Variants in VAV3 observed in about 807,000 individuals in gnomAD.
The protein encoded by VAV3 is vav guanine nucleotide exchange factor 3, also known as guanine nucleotide exchange factor VAV3.
A neutral mutation model predicts 131.2 loss-of-function variants in VAV3; 94 were observed. The ratio of observed to expected loss-of-function variants is 0.72; its 90% CI spans 0.61 to 0.85. The LOEUF (loss-of-function observed/expected upper bound fraction) is 0.85. VAV3 is among the 40% of genes least tolerant of loss of function. The probability of loss-of-function intolerance (pLI) is 0.00; values close to 1 mark genes in which losing one functional copy is unlikely to be tolerated. For synonymous variants in VAV3, 349 were observed against 342.0 expected, an observed-to-expected ratio of 1.02 and a Z score of -0.22; for missense variants, 939 against 1,002.7, an observed-to-expected ratio of 0.94 and a Z score of 0.86.
At chr1:107,964,597 A>G in intron 1 of VAV3, 69 bp downstream of exon 1, 1 of 1,533,766 alleles carries the variant, frequency 6.5e-7, no homozygotes, top group Non-Finnish European at 8.9e-7. Context: ...GCATTTACAC[A>G]AAGAAATTAG....
chr1:107,943,304 A>G (rs1433938809), intron 1 of VAV3, among the ~76,000 whole-genome samples: 1 of 152,198 alleles, frequency 6.6e-6, no homozygotes, highest in African/African-American at 2.4e-5. Context: ...GAGGTTGGTC[A>G]TATCACAGGT....
intron 25 of VAV3, among the ~76,000 whole-genome samples, 193 bp downstream of exon 25, chr1:107,596,019 A>G (rs2101070244): frequency 6.6e-6 from 1 of 152,306 alleles, no homozygotes; most frequent in African/African-American, 2.4e-5. Context: ...AATTTGCCAT[A>G]AAGATCTATA....
At chr1:107,732,842 A>C (rs1662340652) in intron 15 of VAV3, among the ~76,000 whole-genome samples, 1 of 152,222 alleles carries the variant, frequency 6.6e-6, no homozygotes, top group Non-Finnish European at 1.5e-5. Context: ...CCTGTCTGGC[A>C]GCTCTGAAGA....
intron 1 of VAV3, among the ~76,000 whole-genome samples, chr1:107,946,752 T>C (rs547356495): frequency 4.6e-5 from 7 of 152,240 alleles, no homozygotes; most frequent in Non-Finnish European, 8.8e-5. Context: ...CTATGTGACC[T>C]TGAAGAAATT....
intron 20 of VAV3, among the ~76,000 whole-genome samples, chr1:107,622,756 C>T (rs1653703130): frequency 6.6e-6 from 1 of 152,206 alleles, no homozygotes; most frequent in South Asian, 2.1e-4. Flanking sequence ...GAGCGACTGT[C>T]ACCCTGCCCA....
At chr1:107,691,710 T>C (rs1427625913) in intron 17 of VAV3, among the ~76,000 whole-genome samples, 1 of 152,166 alleles carries the variant, frequency 6.6e-6, no homozygotes, top group African/African-American at 2.4e-5. Context: ...CCTTTCTAGA[T>C]GGTGACTCAT....
intron 20 of VAV3, among the ~76,000 whole-genome samples, chr1:107,629,194 A>T (rs1419298629): frequency 6.6e-6 from 1 of 152,192 alleles, no homozygotes; most frequent in Non-Finnish European, 1.5e-5. Flanking sequence ...CACAGTCTTT[A>T]TTCTAAGAAG....
intron 2 of VAV3, among the ~76,000 whole-genome samples, chr1:107,861,665 T>A (rs1302809822): frequency 6.6e-6 from 1 of 151,574 alleles, no homozygotes; most frequent in Non-Finnish European, 1.5e-5. Context: ...CATATCCGAA[T>A]ATAACCATTC....
chr1:107,720,227 T>C (rs1322109245), intron 15 of VAV3, among the ~76,000 whole-genome samples: 1 of 150,944 alleles, frequency 6.6e-6, no homozygotes, highest in Non-Finnish European at 1.5e-5. Flanking sequence ...TAAAAATAAA[T>C]AAAAAATTAG....
At chr1:107,764,574 C>T (rs568817177) in intron 9 of VAV3, among the ~76,000 whole-genome samples, 2 of 152,308 alleles carry the variant, frequency 1.3e-5, no homozygotes, top group East Asian at 3.9e-4. Flanking sequence ...GGCTGGAGTG[C>T]AATGGTGCAA....
At chr1:107,705,371 A>AC (rs890114095) in intron 15 of VAV3, among the ~76,000 whole-genome samples, 2 of 149,846 alleles carry the variant, frequency 1.3e-5, no homozygotes, top group African/African-American at 2.5e-5. Flanking sequence ...AAAAAAAAAA[A>AC]CCCACTGGAT....
chr1:107,765,073 C>T lies in VAV3; in HGVS notation c.921+3G>A, dbSNP rs1664663314. On this transcript the variant is annotated splice_donor_region_variant and intron_variant, in intron 9 of 26. Transcript: ENST00000370056. ...ATGTCATAAACTAAAAATAAATAGG[C>T]ACCTCTAATTTCAGTTTGACATCTT... The T allele has an allele frequency of 6.2e-7, 1 of 1,603,174 alleles. No individual in the cohort carries two copies. Among genetic ancestry groups the T allele is most frequent in the African/African-American group, 1.3e-5 (1 of 74,496 alleles).
chr1:107,837,708 G>C (rs1202170491), intron 2 of VAV3, among the ~76,000 whole-genome samples: 1 of 152,086 alleles, frequency 6.6e-6, no homozygotes, highest in South Asian at 2.1e-4. Flanking sequence ...CAATGAAACA[G>C]AATACAGAAC....
chr1:107,751,071 C>G (rs761482094), intron 13 of VAV3, 46 bp downstream of exon 13: 1 of 1,560,042 alleles, frequency 6.4e-7, no homozygotes, highest in East Asian at 2.3e-5. Context: ...TCTCAGTTTT[C>G]TGACACTAAT....
intron 25 of VAV3, among the ~76,000 whole-genome samples, chr1:107,588,430 G>A (rs1043087425): frequency 6.6e-6 from 1 of 152,140 alleles, no homozygotes; most frequent in Non-Finnish European, 1.5e-5. Flanking sequence ...GTCAAATGAG[G>A]CTAATGTAAC....
At chr1:107,791,096 G>A (rs572672974) in intron 2 of VAV3, among the ~76,000 whole-genome samples, 2 of 152,186 alleles carry the variant, frequency 1.3e-5, no homozygotes, top group South Asian at 2.1e-4. Flanking sequence ...CCAGTGTGTG[G>A]CAAAAATGGA....
intron 25 of VAV3, among the ~76,000 whole-genome samples, chr1:107,575,772 T>G (rs1055362251): frequency 6.6e-6 from 1 of 152,196 alleles, no homozygotes; most frequent in Non-Finnish European, 1.5e-5. Flanking sequence ...AGTTTTAAAT[T>G]CTATGATTTT....
At chr1:107,895,990 C>A (rs1387592559) in intron 1 of VAV3, among the ~76,000 whole-genome samples, 1 of 152,104 alleles carries the variant, frequency 6.6e-6, no homozygotes, top group East Asian at 1.9e-4. Context: ...TGTGGCCCAG[C>A]GGGGATCCAT....
chr1:107,668,592 G>T, intron 19 of VAV3: 2 of 970,476 alleles, frequency 2.1e-6, no homozygotes, highest in Non-Finnish European at 2.4e-6. Context: ...TGCAGTCATG[G>T]AGTACAATGA....
Sources: allele counts gnomAD v4.1 joint callset (sites outside exome capture counted in the v4.1 genomes callset), GRCh38; gene constraint gnomAD v4.1.1; transcripts MANE v1.5; gene names NCBI Gene and HGNC (gene_info 2026-07-23, HGNC 2026-07-21).